The following BLTP1 variants were observed in gnomAD, a reference collection of about 807,000 sequenced individuals.
The protein encoded by BLTP1 is bridge-like lipid transfer protein family member 1, also known as fragile site-associated protein.
chr4:122,272,441 C>T, the BLTP1 span: 1 of 1,508,172 alleles, frequency 6.6e-7, no homozygotes, highest in Non-Finnish European at 9.1e-7. Flanking sequence ...GCTATGTATA[C>T]ATAATAATTA....
the BLTP1 span, chr4:122,277,527 C>T: frequency 1.1e-6 from 1 of 952,234 alleles, no homozygotes; most frequent in Non-Finnish European, 1.3e-6. Flanking sequence ...ATTTTAATCT[C>T]CCAGGAACTG....
the BLTP1 span, chr4:122,336,951 A>T: frequency 6.2e-7 from 1 of 1,612,352 alleles, no homozygotes; most frequent in African/African-American, 1.3e-5. Context: ...CAACAACATC[A>T]CTAGTGTCGT....
the BLTP1 span, chr4:122,247,336 C>T: frequency 1.9e-6 from 3 of 1,613,170 alleles, no homozygotes; most frequent in Non-Finnish European, 2.5e-6. Context: ...TCATGGGCAA[C>T]TTAGGGGTCT....
At chr4:122,213,631 T>C in the BLTP1 span, among the ~76,000 whole-genome samples, 1 of 152,106 alleles carries the variant, frequency 6.6e-6, no homozygotes, top group Non-Finnish European at 1.5e-5. Flanking sequence ...TGGCTGTATA[T>C]GAAAGACTGC....
chr4:122,219,979 T>C, the BLTP1 span, among the ~76,000 whole-genome samples: 2 of 152,156 alleles, frequency 1.3e-5, no homozygotes, highest in East Asian at 1.9e-4. Flanking sequence ...GGTTGAATTA[T>C]GTAGTTTGGA....
the BLTP1 span, chr4:122,355,977 G>A: frequency 1.2e-6 from 2 of 1,607,688 alleles, no homozygotes; most frequent in Non-Finnish European, 1.7e-6. Flanking sequence ...AACCACAGGA[G>A]CCTTCATTAC....
the BLTP1 span, chr4:122,239,501 T>A: frequency 6.6e-7 from 1 of 1,519,396 alleles, no homozygotes; most frequent in South Asian, 1.3e-5. Flanking sequence ...GTAATAGCTT[T>A]GCTTTCTGTT....
the BLTP1 span, chr4:122,170,012 T>G: frequency 8.1e-6 from 8 of 984,644 alleles, no homozygotes; most frequent in South Asian, 4.7e-5. Flanking sequence ...TGTTTTTGAT[T>G]AAAGAATAAT....
At chr4:122,160,259 T>C in the BLTP1 span, among the ~76,000 whole-genome samples, 2 of 152,222 alleles carry the variant, frequency 1.3e-5, no homozygotes, top group East Asian at 1.9e-4. Context: ...TACCACATGG[T>C]AATCATGAAT....
At chr4:122,192,353 T>G in the BLTP1 span, 1 of 1,612,816 alleles carries the variant, frequency 6.2e-7, no homozygotes, top group Non-Finnish European at 8.5e-7. Context: ...CAGATTTTAA[T>G]TATGGACCAT....
chr4:122,248,939 A>C, the BLTP1 span: 102 of 245,556 alleles, frequency 4.2e-4, 1 homozygote, highest in African/African-American at 2.2e-3. Context: ...AATCAGAGAG[A>C]GAAATGAAAA....
At chr4:122,241,802 A>G in the BLTP1 span, among the ~76,000 whole-genome samples, 1 of 152,242 alleles carries the variant, frequency 6.6e-6, no homozygotes, top group Non-Finnish European at 1.5e-5. Flanking sequence ...GTAAAACTGA[A>G]TGGCCCTTGT....
the BLTP1 span, chr4:122,255,085 C>G: frequency 6.4e-7 from 1 of 1,562,088 alleles, no homozygotes; most frequent in Non-Finnish European, 8.7e-7. Flanking sequence ...TTTGTAGGCT[C>G]TTTCATACCT....
chr4:122,324,566 T>G, the BLTP1 span: 2 of 1,551,204 alleles, frequency 1.3e-6, no homozygotes, highest in Non-Finnish European at 8.8e-7. Flanking sequence ...TTGAAACAAG[T>G]AATAAAATTG....
At chr4:122,343,038 T>G in the BLTP1 span, among the ~76,000 whole-genome samples, 245 of 152,344 alleles carry the variant, frequency 1.6e-3, 2 homozygotes, top group Middle Eastern at 6.8e-3. Context: ...AAGTATATGA[T>G]ATGGATTTTT....
the BLTP1 span, chr4:122,274,249 C>A: frequency 4.0e-6 from 3 of 745,990 alleles, no homozygotes; most frequent in Non-Finnish European, 4.2e-6. Flanking sequence ...TTATCTTTTG[C>A]TACTGAATAT....
At chr4:122,270,560 TCTG>T in the BLTP1 span, among the ~76,000 whole-genome samples, 10 of 152,074 alleles carry the variant, frequency 6.6e-5, no homozygotes, top group African/African-American at 2.4e-4. Flanking sequence ...GCTTTTCCTG[TCTG>T]CTTTCAACTT....
the BLTP1 span, among the ~76,000 whole-genome samples, chr4:122,206,690 C>T: frequency 6.6e-6 from 1 of 151,556 alleles, no homozygotes; most frequent in Non-Finnish European, 1.5e-5. Context: ...TTTATGTAAA[C>T]GTGTGAAATA....
the BLTP1 span, chr4:122,171,766 C>T: frequency 3.1e-6 from 3 of 972,828 alleles, no homozygotes; most frequent in Non-Finnish European, 3.7e-6. Context: ...ATTTTTCAGA[C>T]TTTTTCCTGT....
Sources: allele counts gnomAD v4.1 joint callset (sites outside exome capture counted in the v4.1 genomes callset), GRCh38; gene constraint gnomAD v4.1.1; transcripts MANE v1.5; gene names NCBI Gene and HGNC (gene_info 2026-07-23, HGNC 2026-07-21).